PCDH15: variants seen among roughly 807,000 people sequenced by gnomAD.
PCDH15 encodes the protein protocadherin related 15.
A neutral mutation model predicts 178.5 loss-of-function variants in PCDH15; 129 were observed. The observed-to-expected ratio is 0.72, with a 90% CI of 0.63 to 0.84. PCDH15 has a LOEUF of 0.84. Among genes scored for constraint, PCDH15 ranks in the 40% least tolerant of loss-of-function variants. The probability of loss-of-function intolerance (pLI) is 0.00; values close to 1 mark genes in which losing one functional copy is unlikely to be tolerated. For synonymous variants in PCDH15, 800 were observed against 732.0 expected (o/e 1.09, Z -1.50); for missense variants, 2,230 against 2,099.9 (o/e 1.06, Z -1.21).
intron 6 of PCDH15, among the ~76,000 whole-genome samples, chr10:54,343,370 C>T (rs1389208017): frequency 6.6e-6 from 1 of 152,056 alleles, no homozygotes; most frequent in African/African-American, 2.4e-5. Flanking sequence ...GTAAGATGTT[C>T]CTTCCTCCCC....
intron 3 of PCDH15, among the ~76,000 whole-genome samples, chr10:54,822,955 C>T (rs1247841326): frequency 6.6e-6 from 1 of 151,890 alleles, no homozygotes; most frequent in African/African-American, 2.4e-5. Context: ...AATCTCGGCT[C>T]ACTGCAACCT....
At chr10:53,972,569 C>T (rs534368495) in intron 21 of PCDH15, among the ~76,000 whole-genome samples, 2 of 152,228 alleles carry the variant, frequency 1.3e-5, no homozygotes, top group South Asian at 4.1e-4. Context: ...CCAGAATCTA[C>T]AAAGAACTTA....
At chr10:55,408,213 A>T (rs1303304885) in intron 2 of PCDH15, among the ~76,000 whole-genome samples, 1 of 150,350 alleles carries the variant, frequency 6.7e-6, no homozygotes, top group Non-Finnish European at 1.5e-5. Context: ...TTGAGATGGA[A>T]TCTCACTTGT....
At chr10:55,174,690 C>T (rs575940114) in intron 1 of PCDH15, among the ~76,000 whole-genome samples, 49 of 152,236 alleles carry the variant, frequency 3.2e-4, no homozygotes, top group Non-Finnish European at 5.3e-4. Context: ...CAGGCGAGTC[C>T]AGTTTCTCTG....
chr10:55,346,226 A>G (rs1182065667), intron 2 of PCDH15, among the ~76,000 whole-genome samples: 1 of 152,164 alleles, frequency 6.6e-6, no homozygotes, highest in Admixed American at 6.6e-5. Flanking sequence ...TAGATATTTA[A>G]AAAGTATCAA....
At chr10:54,380,731 T>TATATATAC (rs1949129802) in intron 3 of PCDH15, among the ~76,000 whole-genome samples, 2 of 51,980 alleles carry the variant, frequency 3.8e-5, no homozygotes, top group African/African-American at 6.9e-5. Flanking sequence ...TATATATATA[T>TATATATAC]ATATATATAT....
intron 2 of PCDH15, among the ~76,000 whole-genome samples, chr10:54,993,024 G>A (rs1839541788): frequency 6.6e-6 from 1 of 152,108 alleles, no homozygotes; most frequent in Non-Finnish European, 1.5e-5. Context: ...TGATCTTGGT[G>A]TAGTATTGAT....
In PCDH15 at chr10:54,953,454, AATTT is replaced by A. The variant is rs374537417; in HGVS notation, c.-79-55958_-79-55955del. 3.9e-3 allele frequency among the ~76,000 whole-genome samples: 584 copies of A among 151,514 alleles called. 7 individuals carry two copies. Among genetic ancestry groups the A allele is most frequent in the African/African-American group, 0.014 (573 of 41,510 alleles). On this transcript the variant is annotated intron_variant, in intron 2 of 5. Transcript: ENST00000458638. ...TTGAGAGTACAAGTTTCTGAACAGG[AATTT>A]ATTTCCCGGTTTCCAAATTTCTAAC... is the stretch of plus-strand genomic sequence containing the variant.
intron 3 of PCDH15, among the ~76,000 whole-genome samples, chr10:54,826,893 T>C (rs1263577585): frequency 6.6e-6 from 1 of 152,128 alleles, no homozygotes; most frequent in African/African-American, 2.4e-5. Flanking sequence ...CATACTTTTC[T>C]AGTGAACTTA....
At chr10:55,141,197 C>T (rs945003674) in intron 2 of PCDH15, among the ~76,000 whole-genome samples, 4 of 151,918 alleles carry the variant, frequency 2.6e-5, no homozygotes, top group East Asian at 1.9e-4. Context: ...ACAAATGTAG[C>T]AGCTCAACTA....
chr10:54,817,681 T>C (rs11004585), intron 3 of PCDH15, among the ~76,000 whole-genome samples: 61,116 of 151,718 alleles, frequency 0.4, 12,673 homozygotes, highest in East Asian at 0.57. Context: ...TTATACACTG[T>C]ATTTTGGGGG....
chr10:54,210,967 A>G (rs562640306), intron 10 of PCDH15, among the ~76,000 whole-genome samples: 6 of 152,210 alleles, frequency 3.9e-5, no homozygotes, highest in African/African-American at 1.4e-4. Context: ...GAGACAGTAA[A>G]TTATTCAAAA....
chr10:54,751,829 C>T (rs1296569706), intron 1 of PCDH15, among the ~76,000 whole-genome samples: 1 of 152,094 alleles, frequency 6.6e-6, no homozygotes, highest in East Asian at 1.9e-4. Context: ...AGATTAGCAA[C>T]AAATTTACAA....
intron 1 of PCDH15, among the ~76,000 whole-genome samples, chr10:54,720,244 A>T (rs7098755): frequency 0.87 from 132,469 of 152,044 alleles, 58,356 homozygotes; most frequent in Middle Eastern, 0.93. Flanking sequence ...TACATGCACA[A>T]GCATGTTTAT....
Position 55,102,606 on chromosome 10 carries a change from C to T in PCDH15, c.-80+63970G>A, listed in dbSNP as rs138601331. Among the ~76,000 whole-genome samples the T allele has an allele frequency of 3.9e-3, 590 of 152,080 alleles. 4 individuals are homozygous for T. Among genetic ancestry groups the T allele is most frequent in the African/African-American group, 0.013 (540 of 41,508 alleles). On this transcript the variant is annotated intron_variant, in intron 2 of 5. Coordinates refer to the PCDH15 transcript ENST00000458638. The stretch of plus-strand genomic sequence containing the variant: ...TACTGTACTGTACTCTCCTATTTGG[C>T]GACTGTAATTGACTGCAGATAAGTG...
chr10:54,482,970 T>C (rs1047825832), intron 3 of PCDH15, among the ~76,000 whole-genome samples: 1 of 151,808 alleles, frequency 6.6e-6, no homozygotes, highest in African/African-American at 2.4e-5. Context: ...AGCAGGTATA[T>C]ATCTACCAGC....
rs574216830 is a variant in PCDH15 at position 53,945,574 on chromosome 10, C to T, written c.3123-4599G>A. Among the ~76,000 whole-genome samples the T allele has an allele frequency of 7.2e-5, 11 of 151,896 alleles. 1 individual carries two copies. In the South Asian group the frequency reaches 2.3e-3, roughly 32 times the overall value. On this transcript the variant is annotated intron_variant, in intron 23 of 37. Transcript: ENST00000644397. The stretch of plus-strand genomic sequence containing the variant: ...ATCTCCCCAATCCTTCCCTTCCTAC[C>T]CAGCCCCATGTAACCATTTTTTTAC...
At position 55,405,402 on chromosome 10, in the gene PCDH15, C is replaced by A. The variant is rs114733073; in HGVS notation, c.-156+222223G>T. Among the ~76,000 whole-genome samples the A allele has an allele frequency of 7.8e-3, 1,174 of 149,814 alleles. 15 individuals carry two copies. Among genetic ancestry groups the A allele is most frequent in the African/African-American group, 0.026 (1,058 of 40,838 alleles). Reference sequence around the variant, plus strand: ...GAAAGACTTCTTTGGCTTTAAATACCTGTCTTTTAACATCACTCATATGTG... The same window carrying A: ...GAAAGACTTCTTTGGCTTTAAATACATGTCTTTTAACATCACTCATATGTG... On this transcript the variant is annotated intron_variant, in intron 2 of 5. Coordinates refer to the PCDH15 transcript ENST00000613346.
intron 17 of PCDH15, among the ~76,000 whole-genome samples, chr10:54,078,577 T>G (rs1267631521): frequency 6.6e-6 from 1 of 151,184 alleles, no homozygotes; most frequent in African/African-American, 2.4e-5. Flanking sequence ...AGTTGACACA[T>G]AAGCACCTGA....
Sources: gnomAD v4.1 joint callset for allele counts (sites outside exome capture counted in the v4.1 genomes callset) on GRCh38, gnomAD v4.1.1 for gene constraint, MANE v1.5 for transcripts, NCBI Gene and HGNC (gene_info 2026-07-23, HGNC 2026-07-21) for gene names.